COL12A1: variants seen among roughly 807,000 people sequenced by gnomAD.
The protein encoded by COL12A1 is collagen type XII alpha 1 chain.
Under a neutral mutation model 349.7 loss-of-function variants are expected in COL12A1, and 114 were observed. The ratio of observed to expected loss-of-function variants is 0.33; its 90% confidence interval spans 0.28 to 0.38. COL12A1 has a LOEUF of 0.38. Ranked by LOEUF, COL12A1 falls within the 10% of genes least tolerant of loss-of-function variation. The pLI is 1.00. For missense variants in COL12A1, 3,284 were observed against 3,756.9 expected (o/e 0.87, Z 3.29); for synonymous variants, 1,369 against 1,329.0 (o/e 1.03, Z -0.66).
At chr6:75,131,400 T>C (rs1448586248) in intron 35 of COL12A1, among the ~76,000 whole-genome samples, 1 of 152,196 alleles carries the variant, frequency 6.6e-6, no homozygotes, top group Non-Finnish European at 1.5e-5. Flanking sequence ...TGTCCTACCA[T>C]ACATGGGCAT....
At chr6:75,119,656 C>T (rs1769258427) in intron 44 of COL12A1, among the ~76,000 whole-genome samples, 183 bp from the exon 45 acceptor site, 1 of 152,122 alleles carries the variant, frequency 6.6e-6, no homozygotes, top group South Asian at 2.1e-4. Flanking sequence ...TCATTAAATT[C>T]GTTAATTTTC....
intron 35 of COL12A1, 70 bp downstream of exon 35, chr6:75,131,870 C>T (rs1485978262): frequency 2.6e-6 from 4 of 1,551,762 alleles, no homozygotes; most frequent in Non-Finnish European, 3.5e-6. Flanking sequence ...TTCTCCCAGG[C>T]TATCAAACGT....
In COL12A1 at chr6:75,156,513, A is replaced by G; in HGVS notation, c.2994T>C (p.Asp998=). 1.9e-6 allele frequency: 3 copies of G among 1,613,476 alleles called. No homozygotes were observed. Among genetic ancestry groups the G allele is most frequent in the Non-Finnish European group, 2.5e-6 (3 of 1,179,688 alleles). Residue 998 remains aspartate (D), a synonymous_variant, in exon 15 of 66, where the codon GAT becomes GAC. Transcript: ENST00000322507. The part of the protein sequence containing the change: ...TGDATTELSQ[D]SKTLKVDEET... ...CTTCATCTACTTTCAGGGTTTTGGAATCTTGAGATACTGGGAGATAAAAGG... is the reference window on the plus strand; with the variant it reads ...CTTCATCTACTTTCAGGGTTTTGGAGTCTTGAGATACTGGGAGATAAAAGG...
Position 75,134,870 on chromosome 6 carries a change from G to A in COL12A1, c.5395-15C>T, listed in dbSNP as rs1324012254. On this transcript the variant is annotated splice_polypyrimidine_tract_variant and intron_variant, in intron 31 of 65. Coordinates refer to ENST00000322507, the MANE Select transcript of COL12A1 (RefSeq NM_004370.6). ...CCTATTGTGGTCTTGAGTAAAAAGG[G>A]TCTTGGTAAGTGTCAGCCTTGCTCT... 2.5e-6 allele frequency: 4 copies of A among 1,606,766 alleles called. No individual in the cohort carries two copies. The highest frequency in any genetic ancestry group is 3.4e-6 in the Non-Finnish European group (4 of 1,175,200).
In COL12A1 at chr6:75,183,235, A is replaced by G. The variant is rs1399179333; in HGVS notation, c.1706T>C (p.Val569Ala). The G allele has an allele frequency of 6.8e-6, 11 of 1,614,206 alleles. No individual in the cohort carries two copies. The highest frequency in any genetic ancestry group is 8.5e-6 in the Non-Finnish European group (10 of 1,180,032). The part of the protein sequence containing the change: ...DPAIKLRNSD[V>A]EIFAVGVKDA... The stretch of plus-strand genomic sequence containing the variant: ...CTTCACACCAACTGCAAAGATTTCA[A>G]CATCTGAATTCCTCAGTTTTATCGC... The change falls in exon 10 of 66, where the codon GTT (valine) becomes GCT (alanine). Residue 569 changes from valine to alanine, a missense_variant. Val to Ala is a moderately conservative substitution (Grantham distance 64). Transcript: ENST00000322507.
intron 17 of COL12A1, among the ~76,000 whole-genome samples, chr6:75,153,264 A>C (rs139338877): frequency 0.013 from 1,934 of 152,268 alleles, 35 homozygotes; most frequent in African/African-American, 0.045. Flanking sequence ...ACAAATTGAG[A>C]GCTGTAAAGA....
At chr6:75,167,320 A>T (rs976487681) in intron 13 of COL12A1, among the ~76,000 whole-genome samples, 3 of 152,082 alleles carry the variant, frequency 2.0e-5, no homozygotes, top group Non-Finnish European at 4.4e-5. Flanking sequence ...CCTTTGCTTG[A>T]TATATACAAT....
In COL12A1 at chr6:75,143,379, G is replaced by T; in HGVS notation, c.4700C>A (p.Pro1567His). Residue 1567 changes from proline to histidine, a missense_variant, in exon 26 of 66, where the codon CCC becomes CAC. Physicochemically the swap from Pro to His is moderately conservative, Grantham distance 77. Coordinates refer to ENST00000322507, the MANE Select transcript of COL12A1 (RefSeq NM_004370.6). The part of the protein sequence containing the change: ...VTVREVTLPL[P>H]RPQDLKLRDV... The stretch of plus-strand genomic sequence containing the variant: ...TCTGAGTTTCAGATCCTGAGGTCTG[G>T]GTAAAGGCACTAGAGAAGCACGAGA... 1 of 1,613,188 alleles carries T rather than the reference G, an allele frequency of 6.2e-7. No homozygotes were observed. The highest frequency in any genetic ancestry group is 8.5e-7 in the Non-Finnish European group (1 of 1,179,788).
In COL12A1 at chr6:75,130,973, C is replaced by T. The variant is rs1766274442; in HGVS notation, c.5946G>A (p.Val1982=). The T allele has an allele frequency of 1.2e-6, 2 of 1,614,004 alleles. No individual in the cohort carries two copies. Among genetic ancestry groups the T allele is most frequent in the Admixed American group, 1.7e-5 (1 of 59,996 alleles). The change falls in exon 36 of 66, where the codon GTG becomes GTA. Residue 1982 remains valine, a synonymous_variant. Transcript: ENST00000322507. The part of the protein sequence containing the change: ...DGTRPSESIV[V]PGNTRMVHLE... ...GATGCACCATGCGCGTGTTTCCTGGCACTACTATCTGCAGGAGAGGAAATG... is the reference window on the plus strand; with the variant it reads ...GATGCACCATGCGCGTGTTTCCTGGTACTACTATCTGCAGGAGAGGAAATG...
intron 30 of COL12A1, among the ~76,000 whole-genome samples, chr6:75,137,951 G>A (rs1456628576): frequency 1.3e-5 from 2 of 152,062 alleles, no homozygotes; most frequent in African/African-American, 4.8e-5. Flanking sequence ...GAGAGAGTGA[G>A]AAAATGAGAG....
Position 75,138,552 on chromosome 6 carries a change from A to G in COL12A1, c.5126T>C (p.Leu1709Ser), listed in dbSNP as rs201810535. The change falls in exon 29 of 66, where the codon TTG (leucine) becomes TCG (serine). Residue 1709 changes from leucine (L) to serine (S), a missense_variant. Around this residue, in one of 2 missense-constraint regions of COL12A1, gnomAD observed 2,601 missense variants for 2,824.8 expected, o/e 0.92. Coordinates refer to ENST00000322507, the MANE Select transcript of COL12A1 (RefSeq NM_004370.6). Reference protein sequence around the residue: ...ETILNGDENTLVFENLNPNTI... With the variant: ...ETILNGDENTSVFENLNPNTI... ...GTTGGGGTTCAGGTTTTCGAACACC[A>G]AAGTGTTTTCATCTCCATTTAAGAT... 3.0e-5 allele frequency: 48 copies of G among 1,614,022 alleles called. No individual in the cohort carries two copies. The East Asian group carries it at 6.7e-4, about 22-fold the overall frequency.
intron 51 of COL12A1, among the ~76,000 whole-genome samples, chr6:75,110,454 G>C (rs896782403): frequency 3.3e-5 from 5 of 152,022 alleles, no homozygotes; most frequent in Admixed American, 1.3e-4. Flanking sequence ...TTACATTTCA[G>C]ATTGGGCCCT....
chr6:75,193,792 G>A (rs183553579), intron 3 of COL12A1, among the ~76,000 whole-genome samples: 1 of 147,096 alleles, frequency 6.8e-6, no homozygotes, highest in Non-Finnish European at 1.5e-5. Context: ...TGTTCTCATT[G>A]TTCAATTCCC....
chr6:75,146,358 T>G (rs923394066), intron 23 of COL12A1, 114 bp from the exon 24 acceptor site: 3 of 1,148,800 alleles, frequency 2.6e-6, no homozygotes, highest in Non-Finnish European at 3.4e-6. Context: ...TGGGTTACTG[T>G]GAGAAATCAA....
At chr6:75,091,867 C>CT (rs1241679146) in intron 60 of COL12A1, among the ~76,000 whole-genome samples, 2 of 152,118 alleles carry the variant, frequency 1.3e-5, no homozygotes, top group African/African-American at 4.8e-5. Context: ...GAAGATTGCC[C>CT]TTGTACCGCC....
At chr6:75,204,298 C>A (rs945160486) in intron 1 of COL12A1, among the ~76,000 whole-genome samples, 1 of 152,072 alleles carries the variant, frequency 6.6e-6, no homozygotes, top group African/African-American at 2.4e-5. Flanking sequence ...CAGTCGTGCT[C>A]GCGAGAAGTT....
At chr6:75,102,574 A>G (rs775473341) in intron 56 of COL12A1, 23 bp downstream of exon 56, 6 of 1,472,104 alleles carry the variant, frequency 4.1e-6, no homozygotes, top group Non-Finnish European at 5.4e-6. Flanking sequence ...CTCTCATTTA[A>G]TACAGAAAGG....
intron 10 of COL12A1, among the ~76,000 whole-genome samples, chr6:75,182,172 G>C (rs1284380177): frequency 6.6e-6 from 1 of 152,002 alleles, no homozygotes; most frequent in Non-Finnish European, 1.5e-5. Context: ...ATAGTGCTAG[G>C]ACAGTTACAG....
chr6:75,087,237 T>G, intron 65 of COL12A1: 1 of 327,024 alleles, frequency 3.1e-6, no homozygotes, highest in Non-Finnish European at 5.5e-6. Flanking sequence ...CTTGGCATTT[T>G]ACAGTTGTAT....
Sources: gnomAD v4.1 joint callset for allele counts (sites outside exome capture counted in the v4.1 genomes callset) on GRCh38, gnomAD v4.1.1 for gene constraint, gnomAD v4.1.1 regional missense constraint, MANE v1.5 for transcripts, NCBI Gene and HGNC (gene_info 2026-07-23, HGNC 2026-07-21) for gene names.